Variants in SLC17A9 observed in about 807,000 individuals in gnomAD.
SLC17A9 encodes solute carrier family 17 member 9.
SLC17A9 carries 49 observed loss-of-function variants against 55.0 expected under a neutral mutation model. The ratio of observed to expected loss-of-function variants is 0.89; its 90% confidence interval spans 0.71 to 1.13. The LOEUF (loss-of-function observed/expected upper bound fraction) is 1.13, where lower values mean the gene tolerates loss of function less well. Ranked by LOEUF, SLC17A9 falls within the 50% of genes most tolerant of loss-of-function variation. SLC17A9 has a pLI of 0.00. For synonymous variants in SLC17A9, 256 were observed against 247.4 expected (o/e 1.03, Z -0.32); for missense variants, 526 against 569.3 (o/e 0.92, Z 0.77).
intron 3 of SLC17A9, 40 bp downstream of exon 3, chr20:62,957,620 C>CCT: frequency 6.8e-7 from 1 of 1,476,540 alleles, no homozygotes; most frequent in Non-Finnish European, 9.0e-7. Flanking sequence ...CTCTCTGGCA[C>CCT]CAGGTGGGGA....
At chr20:62,953,020 G>A in intron 1 of SLC17A9, 131 bp downstream of exon 1, 1 of 1,226,868 alleles carries the variant, frequency 8.2e-7, no homozygotes, top group South Asian at 1.5e-5. Flanking sequence ...CTGGCTGTGG[G>A]GCCCCCTGTG....
chr20:62,953,052 A>G, intron 1 of SLC17A9, 163 bp downstream of exon 1: 1 of 1,188,046 alleles, frequency 8.4e-7, no homozygotes, highest in South Asian at 1.5e-5. Context: ...AGGTGGAAGG[A>G]AGTGAGTGCC....
Position 62,960,586 on chromosome 20 carries a change from C to T in SLC17A9, c.480C>T (p.Gly160=), listed in dbSNP as rs752279300. The T allele has an allele frequency of 6.2e-6, 10 of 1,612,472 alleles. No individual in the cohort carries two copies. In the African/African-American group the frequency reaches 9.3e-5, roughly 15 times the overall value. ...GAGCCTTCACCTACAGCATCGTGGG[C>T]GCCGGCTCCCAGTTTGGGTAAGTCC... ...SERAFTYSIV[G]AGSQFGTLLT... is the part of the protein sequence containing the mutation. Residue 160 remains glycine, a synonymous_variant, in exon 4 of 13, where the codon GGC becomes GGT. Transcript: ENST00000370351.
Position 62,952,897 on chromosome 20 carries a change from G to A in SLC17A9, c.59+8G>A, listed in dbSNP as rs1226095693. On this transcript the variant is annotated splice_region_variant and intron_variant, in intron 1 of 12. Transcript: ENST00000370351. The stretch of plus-strand genomic sequence containing the variant: ...GGACACCCAGTGGTCCAGGTGTGGC[G>A]GGGGTGAGGGGAGGGGGGGTGGGAG... 11 of 1,476,070 alleles carry A rather than the reference G, an allele frequency of 7.5e-6. No individual in the cohort carries two copies. In the Middle Eastern group the frequency reaches 7.3e-4, roughly 97 times the overall value. 91.4% of individuals were successfully genotyped at this position (1,476,070 alleles called of 1,614,324 possible).
chr20:62,959,935 T>C (rs905597353), intron 3 of SLC17A9, among the ~76,000 whole-genome samples: 11 of 152,346 alleles, frequency 7.2e-5, no homozygotes, highest in African/African-American at 2.2e-4. Context: ...GTTTCCAAAC[T>C]TCTAAAGCGG....
At chr20:62,957,777 A>G (rs1290498933) in intron 3 of SLC17A9, among the ~76,000 whole-genome samples, 197 bp downstream of exon 3, 11 of 134,098 alleles carry the variant, frequency 8.2e-5, no homozygotes, top group Admixed American at 6.8e-4. Flanking sequence ...GCCCGCGTGC[A>G]TGCGTGCACC....
intron 1 of SLC17A9, among the ~76,000 whole-genome samples, chr20:62,954,701 C>T (rs2065521132): frequency 6.6e-6 from 1 of 152,224 alleles, no homozygotes; most frequent in African/African-American, 2.4e-5. Context: ...TGGAGGGTGC[C>T]CCTGTGCCCA....
chr20:62,967,559 A>C lies in SLC17A9; in HGVS notation c.*59A>C. On this transcript the variant is annotated 3_prime_UTR_variant, in exon 13 of 13. Transcript: ENST00000370351. ...CGCCAGCAGCCCCAGGACACAGGGG[A>C]CTCAGTGTGTGGGACTTGGTCACTC... 1 of 1,560,944 alleles carries C rather than the reference A, an allele frequency of 6.4e-7. No homozygotes were observed. The highest frequency in any genetic ancestry group is 8.7e-7 in the Non-Finnish European group (1 of 1,147,690).
At chr20:62,960,047 G>C (rs1163609795) in intron 3 of SLC17A9, among the ~76,000 whole-genome samples, 1 of 152,254 alleles carries the variant, frequency 6.6e-6, no homozygotes, top group Non-Finnish European at 1.5e-5. Context: ...GCACGCATGC[G>C]GCAGGTGTCT....
intron 4 of SLC17A9, among the ~76,000 whole-genome samples, chr20:62,961,584 C>G (rs2065589315): frequency 6.6e-6 from 1 of 152,144 alleles, no homozygotes; most frequent in Non-Finnish European, 1.5e-5. Flanking sequence ...CTCAGGCCCT[C>G]GTGTTACTGT....
At position 62,967,602 on chromosome 20, in the gene SLC17A9, C is replaced by A; in HGVS notation, c.*102C>A. 8.0e-7 allele frequency: 1 copy of A among 1,257,236 alleles called. No homozygotes were observed. Among genetic ancestry groups the A allele is most frequent in the Admixed American group, 2.5e-5 (1 of 39,480 alleles). The allele number at this position is 1,257,236 out of a possible 1,614,324, so 77.9% of individuals were successfully genotyped here. A position where few individuals can be genotyped will look rare whatever the true frequency, so the allele number is the denominator to read the frequency against. ...GGTCACTCCATGTCAGACACACGAG[C>A]AGAGAGGAACACAAACCACTGTGGA... is the stretch of plus-strand genomic sequence containing the variant. On this transcript the variant is annotated 3_prime_UTR_variant, in exon 13 of 13. Transcript: ENST00000370351.
chr20:62,954,435 C>T (rs767501347), intron 1 of SLC17A9, among the ~76,000 whole-genome samples: 16 of 152,368 alleles, frequency 1.1e-4, no homozygotes, highest in Non-Finnish European at 1.5e-4. Flanking sequence ...TTTGCTCAGC[C>T]GTGGATGCTG....
chr20:62,965,644 T>TG lies in SLC17A9; in HGVS notation c.981dup (p.Cys328ValfsTer10), dbSNP rs764118108. 6.2e-7 allele frequency: 1 copy of TG among 1,613,872 alleles called. No individual in the cohort carries two copies. Among genetic ancestry groups the TG allele is most frequent in the Non-Finnish European group, 8.5e-7 (1 of 1,180,032 alleles). On this transcript the variant is annotated frameshift_variant, in exon 10 of 13. Transcript: ENST00000370351. LOFTEE classifies it high-confidence loss of function. ...CTTGGCCTCTCCAGCGTCTTTGCTCTGTGCCTGGGCCACACCTCCAGCTTC... is the reference window on the plus strand; with the variant it reads ...CTTGGCCTCTCCAGCGTCTTTGCTCTGGTGCCTGGGCCACACCTCCAGCTTC...
Position 62,956,879 on chromosome 20 carries a change from CAAG to C in SLC17A9, c.178_180del (p.Lys60del), listed in dbSNP as rs749219595. On this transcript the variant is annotated inframe_deletion, in exon 2 of 13. Coordinates refer to ENST00000370351, the MANE Select transcript of SLC17A9 (RefSeq NM_022082.4). ...CCATGAGCCAGGACTTCGGCTGGAA[CAAG>C]AAGGAGGCCGGCATCGTGCTCAGCA... 3.1e-6 allele frequency: 5 copies of C among 1,613,622 alleles called. No homozygotes were observed. The Admixed American group carries it at 5.0e-5, about 16-fold the overall frequency.
At chr20:62,963,889 G>A (rs527706993) in intron 7 of SLC17A9, 17 of 601,808 alleles carry the variant, frequency 2.8e-5, no homozygotes, top group South Asian at 4.0e-5. Context: ...GAAATGATGC[G>A]GGCGCTCGGT....
rs1305009761 is a variant in SLC17A9, at chr20:62,963,684, A to G, written c.822+4A>G. ...GGAGACCTTCCCCGACGCCAAGGTG[A>G]GTCGGGGGCTCCCGCAGGGTGAAGG... On this transcript the variant is annotated splice_donor_region_variant and intron_variant, in intron 7 of 12. Coordinates refer to ENST00000370351, the MANE Select transcript of SLC17A9 (RefSeq NM_022082.4). The G allele has an allele frequency of 1.9e-6, 3 of 1,582,562 alleles. No individual in the cohort carries two copies. Among genetic ancestry groups the G allele is most frequent in the South Asian group, 1.2e-5 (1 of 86,622 alleles).
At chr20:62,955,334 G>A (rs2065527976) in intron 1 of SLC17A9, among the ~76,000 whole-genome samples, 2 of 152,020 alleles carry the variant, frequency 1.3e-5, no homozygotes, top group Admixed American at 1.3e-4. Flanking sequence ...TTTTAGTAGA[G>A]ATGGGGTTTC....
At chr20:62,960,451 G>T in intron 3 of SLC17A9, 53 bp from the exon 4 acceptor site, 2 of 1,543,418 alleles carry the variant, frequency 1.3e-6, no homozygotes, top group East Asian at 2.3e-5. Flanking sequence ...CAGATAGGCC[G>T]GGAGGAGCCT....
At chr20:62,959,230 G>A (rs1049902996) in intron 3 of SLC17A9, among the ~76,000 whole-genome samples, 8 of 152,214 alleles carry the variant, frequency 5.3e-5, no homozygotes, top group Non-Finnish European at 4.4e-5. Flanking sequence ...CTCGGCCCTG[G>A]GGCAGGCGGC....
Sources: gnomAD v4.1 joint callset for allele counts (sites outside exome capture counted in the v4.1 genomes callset) on GRCh38, gnomAD v4.1.1 for gene constraint, MANE v1.5 for transcripts, NCBI Gene and HGNC (gene_info 2026-07-23, HGNC 2026-07-21) for gene names.